CCDC30: variants seen among roughly 807,000 people sequenced by gnomAD.
CCDC30 encodes coiled-coil domain-containing protein 30.
A neutral mutation model predicts 100.2 loss-of-function variants in CCDC30; 70 were observed. The ratio of observed to expected loss-of-function variants is 0.70; its 90% CI spans 0.58 to 0.85. CCDC30 has a LOEUF of 0.85. CCDC30 is among the 40% of genes least tolerant of loss of function. The pLI, the probability that CCDC30 is intolerant of heterozygous loss-of-function variation, is 0.00. For missense variants in CCDC30, 652 were observed against 771.2 expected (o/e 0.85, Z 1.83); for synonymous variants, 233 against 269.5 (o/e 0.86, Z 1.33).
At chr1:42,463,988 C>G (rs1382685090) in intron 1 of CCDC30, 90 bp downstream of exon 1, 2 of 152,274 alleles carry the variant, frequency 1.3e-5, no homozygotes, top group Non-Finnish European at 2.9e-5. Flanking sequence ...TATTTCACAG[C>G]CATTTTAACT....
chr1:42,582,015 A>G (rs930091209), intron 9 of CCDC30, among the ~76,000 whole-genome samples: 3 of 147,598 alleles, frequency 2.0e-5, no homozygotes, highest in Non-Finnish European at 4.5e-5. Flanking sequence ...TGAGCCTAGG[A>G]GTTTGAGACC....
At chr1:42,552,617 T>A (rs1017228395) in intron 6 of CCDC30, among the ~76,000 whole-genome samples, 18 of 152,012 alleles carry the variant, frequency 1.2e-4, no homozygotes, top group Non-Finnish European at 1.5e-4. Context: ...TTAAAAAAAA[T>A]TATTTTGAGG....
chr1:42,589,371 T>TA lies in CCDC30; in HGVS notation c.1053dup (p.Gln352ThrfsTer3), dbSNP rs749039893. On this transcript the variant is annotated frameshift_variant, in exon 10 of 17. Coordinates refer to ENST00000668663, the Ensembl canonical transcript of CCDC30. LOFTEE classifies it high-confidence loss of function. Reference sequence around the variant, plus strand: ...GAGTTACACAGGCAAGTGAGAACCTTACAAGATAAAGAAAATCTACTGGAA... The same window carrying TA: ...GAGTTACACAGGCAAGTGAGAACCTTAACAAGATAAAGAAAATCTACTGGAA... 2.5e-6 allele frequency: 4 copies of TA among 1,613,726 alleles called. No homozygotes were observed. The South Asian group carries it at 4.4e-5, about 18-fold the overall frequency.
At chr1:42,616,700 G>A (rs1161123211) in intron 11 of CCDC30, among the ~76,000 whole-genome samples, 5 of 152,118 alleles carry the variant, frequency 3.3e-5, no homozygotes, top group East Asian at 1.9e-4. Flanking sequence ...CCAAAAATAA[G>A]CATAGAAAAT....
intron 8 of CCDC30, among the ~76,000 whole-genome samples, chr1:42,577,627 G>GT (rs1645868444): frequency 6.6e-6 from 1 of 151,718 alleles, no homozygotes; most frequent in Non-Finnish European, 1.5e-5. Flanking sequence ...ACATAGTGAT[G>GT]TTTATTTTTA....
intron 11 of CCDC30, among the ~76,000 whole-genome samples, chr1:42,614,956 T>C (rs879861825): frequency 6.6e-6 from 1 of 152,054 alleles, no homozygotes; most frequent in Non-Finnish European, 1.5e-5. Flanking sequence ...CTACATGTAA[T>C]GGTAACCATA....
intron 6 of CCDC30, among the ~76,000 whole-genome samples, chr1:42,501,370 A>G (rs1299828816): frequency 3.3e-5 from 5 of 152,148 alleles, no homozygotes; most frequent in Admixed American, 6.5e-5. Context: ...CTGTTAACCC[A>G]TGTGTTTATT....
At chr1:42,490,742 A>C (rs1644124789) in intron 4 of CCDC30, among the ~76,000 whole-genome samples, 1 of 152,140 alleles carries the variant, frequency 6.6e-6, no homozygotes, top group African/African-American at 2.4e-5. Flanking sequence ...TAGATAAGCA[A>C]ACTGAGTCAT....
rs540820126 is a variant in CCDC30, at chr1:42,478,639, G to C, written c.-91-1822G>C. ...CCAGGCATGGTGGCATGCACTTGTA[G>C]TCTCAGTTACTCGGGAGGCAGAGGT... On this transcript the variant is annotated intron_variant, in intron 1 of 16. Transcript: ENST00000668663. Among the ~76,000 whole-genome samples the C allele has an allele frequency of 2.0e-4, 30 of 152,210 alleles. No homozygotes were observed. In the South Asian group the frequency reaches 5.2e-3, roughly 26 times the overall value.
chr1:42,520,996 C>T (rs536567435), intron 6 of CCDC30, among the ~76,000 whole-genome samples: 8 of 132,122 alleles, frequency 6.1e-5, no homozygotes, highest in East Asian at 4.6e-4. Flanking sequence ...TTTTTTGAGA[C>T]GGAGTCTCGC....
intron 6 of CCDC30, among the ~76,000 whole-genome samples, chr1:42,517,935 A>G (rs1644580519): frequency 6.6e-6 from 1 of 152,118 alleles, no homozygotes; most frequent in Admixed American, 6.5e-5. Context: ...TTCTTTTTCA[A>G]GATTGTTGTG....
chr1:42,465,699 G>C lies in CCDC30; in HGVS notation c.-92+1801G>C, dbSNP rs142982554. ...GTTTTAAACCTGGGGAGTGGGGTGG[G>C]GTTTTGCCCCCTGTGAGACATTTGG... On this transcript the variant is annotated intron_variant, in intron 1 of 16. Transcript: ENST00000668663. 8.1e-4 allele frequency among the ~76,000 whole-genome samples: 124 copies of C among 152,176 alleles called. 2 individuals carry two copies. Among genetic ancestry groups the C allele is most frequent in the Non-Finnish European group, 1.2e-3 (85 of 68,014 alleles).
chr1:42,483,735 A>G (rs66465140), intron 3 of CCDC30, among the ~76,000 whole-genome samples: 32,691 of 152,032 alleles, frequency 0.22, 3,747 homozygotes, highest in South Asian at 0.42. Context: ...AGTTCTTTAT[A>G]TATTGTGGAT....
chr1:42,527,222 G>A (rs1644736058), intron 6 of CCDC30, among the ~76,000 whole-genome samples: 1 of 152,184 alleles, frequency 6.6e-6, no homozygotes, highest in South Asian at 2.1e-4. Context: ...TAACTTTACA[G>A]GGTAACTTAT....
At chr1:42,460,415 ATGTTT>A (rs1643379444), upstream of CCDC30, 9 of 984,692 alleles carry the variant, frequency 9.1e-6, no homozygotes, top group South Asian at 4.2e-4. Flanking sequence ...AATGGAAAGG[ATGTTT>A]TGTTTTGTTT....
intron 6 of CCDC30, among the ~76,000 whole-genome samples, chr1:42,542,542 T>TAATAAAGACAGGGTCTCCCTA (rs1274864091): frequency 6.6e-5 from 7 of 106,266 alleles, no homozygotes; most frequent in Admixed American, 9.3e-5. Flanking sequence ...AATTTTTCTT[T>TAATAAAGACAGGGTCTCCCTA]TTTTTTTTTT....
At chr1:42,456,808 GTTC>G in the CCDC30 span, 1 of 1,613,396 alleles carries the variant, frequency 6.2e-7, no homozygotes, top group Admixed American at 1.7e-5. Flanking sequence ...ACGGGGTCCT[GTTC>G]TTGTATCGCG....
chr1:42,544,795 T>A (rs924976114), intron 6 of CCDC30, among the ~76,000 whole-genome samples: 3 of 152,054 alleles, frequency 2.0e-5, no homozygotes, highest in African/African-American at 4.8e-5. Context: ...ATGTGAGCCA[T>A]TGCACCCGGC....
At chr1:42,647,983 C>G (rs1392112120) in intron 15 of CCDC30, among the ~76,000 whole-genome samples, 1 of 152,120 alleles carries the variant, frequency 6.6e-6, no homozygotes, top group Non-Finnish European at 1.5e-5. Flanking sequence ...TCTTGTTGCC[C>G]AGGTTGGAGT....
Sources: gnomAD v4.1 joint callset for allele counts (sites outside exome capture counted in the v4.1 genomes callset) on GRCh38, gnomAD v4.1.1 for gene constraint, MANE v1.5 for transcripts, NCBI Gene and HGNC (gene_info 2026-07-23, HGNC 2026-07-21) for gene names.